Variants in PCDHA6 observed in about 807,000 individuals in gnomAD.
The protein encoded by PCDHA6 is protocadherin alpha-6.
Under a neutral mutation model 60.3 loss-of-function variants are expected in PCDHA6, and 55 were observed. That is an observed-to-expected ratio of 0.91 (90% CI 0.73 to 1.14). PCDHA6 has a LOEUF of 1.14. PCDHA6 is among the 50% of genes most tolerant of loss of function. The pLI is 0.00. For missense variants in PCDHA6, 1,327 were observed against 1,256.5 expected, an observed-to-expected ratio of 1.06 and a Z score of -0.85; for synonymous variants, 652 against 557.9, an observed-to-expected ratio of 1.17 and a Z score of -2.38.
At chr5:140,961,248 G>A (rs144956279) in intron 1 of PCDHA6, among the ~76,000 whole-genome samples, 129 of 152,276 alleles carry the variant, frequency 8.5e-4, no homozygotes, top group African/African-American at 1.8e-3. Flanking sequence ...GAATTTATCC[G>A]AAGCTCCAGG....
intron 1 of PCDHA6, chr5:140,927,546 A>G (rs1554204713): frequency 6.2e-7 from 1 of 1,614,146 alleles, no homozygotes; most frequent in Non-Finnish European, 8.5e-7. Flanking sequence ...GAGACGCACA[A>G]GTCACCATCA....
At chr5:140,991,629 T>C (rs1466263798) in intron 3 of PCDHA6, among the ~76,000 whole-genome samples, 5 of 152,208 alleles carry the variant, frequency 3.3e-5, no homozygotes, top group African/African-American at 1.2e-4. Context: ...ATATTTGTAA[T>C]AACAATCTGT....
intron 1 of PCDHA6, chr5:140,835,881 G>C (rs2150247324): frequency 1.2e-6 from 2 of 1,612,004 alleles, no homozygotes; most frequent in South Asian, 2.2e-5. Flanking sequence ...GCTGCGGGTG[G>C]GCGAGCGCGC....
chr5:140,895,874 C>T (rs1051774060), intron 1 of PCDHA6, among the ~76,000 whole-genome samples: 5 of 152,120 alleles, frequency 3.3e-5, no homozygotes, highest in Admixed American at 2.6e-4. Context: ...TGCAATGGCG[C>T]GATCTCGGCT....
chr5:140,959,424 G>A (rs957625236), intron 1 of PCDHA6, among the ~76,000 whole-genome samples: 1 of 152,104 alleles, frequency 6.6e-6, no homozygotes, highest in Non-Finnish European at 1.5e-5. Context: ...CTGAGAATTT[G>A]TGTATTTTTT....
chr5:140,935,957 A>G (rs1427987096), intron 1 of PCDHA6, among the ~76,000 whole-genome samples: 5 of 150,604 alleles, frequency 3.3e-5, no homozygotes, highest in African/African-American at 1.2e-4. Context: ...AAGTGGTACA[A>G]TCTTGGCTCA....
Position 140,828,672 on chromosome 5 carries a change from T to G in PCDHA6, c.581T>G (p.Leu194Arg). The G allele has an allele frequency of 1.2e-6, 2 of 1,614,182 alleles. No homozygotes were observed. Among genetic ancestry groups the G allele is most frequent in the South Asian group, 2.2e-5 (2 of 91,086 alleles). Residue 194 changes from leucine to arginine, a missense_variant, in exon 1 of 4, where the codon CTC becomes CGC. By Grantham distance (102) the Leu-to-Arg change is moderately radical. Transcript: ENST00000529310. ...AGTGATGACAATAAACAAATTGGGC[T>G]CTTATTAAAGAAATCCTTGGACAGA... is the stretch of plus-strand genomic sequence containing the variant. Reference protein sequence around the residue: ...INSDDNKQIGLLLKKSLDREE... With the variant: ...INSDDNKQIGRLLKKSLDREE...
At chr5:140,931,783 T>A (rs2087751344) in intron 1 of PCDHA6, among the ~76,000 whole-genome samples, 1 of 151,996 alleles carries the variant, frequency 6.6e-6, no homozygotes, top group African/African-American at 2.4e-5. Context: ...TTCAATTACC[T>A]ATTGATCTGA....
chr5:140,893,528 G>C (rs541953324), intron 1 of PCDHA6, among the ~76,000 whole-genome samples: 2 of 152,254 alleles, frequency 1.3e-5, no homozygotes, highest in Admixed American at 6.5e-5. Context: ...ACTCCTTTAA[G>C]TATTTCTTGT....
chr5:140,969,184 C>A (rs1381646688), intron 1 of PCDHA6: 1 of 1,613,998 alleles, frequency 6.2e-7, no homozygotes, highest in Non-Finnish European at 8.5e-7. Flanking sequence ...GTGACACTTT[C>A]ATGTTTTACA....
chr5:140,868,737 T>C (rs1479223301), intron 1 of PCDHA6: 1 of 203,404 alleles, frequency 4.9e-6, no homozygotes, highest in African/African-American at 2.3e-5. Context: ...AATCGAGAAA[T>C]ACAATGCCAT....
intron 1 of PCDHA6, chr5:140,856,523 G>A (rs1554148798): frequency 6.3e-7 from 1 of 1,598,526 alleles, no homozygotes; most frequent in Admixed American, 1.7e-5. Context: ...CGCATCTGAT[G>A]CGGATGTTGG....
chr5:140,869,190 C>G (rs536787060), intron 1 of PCDHA6: 1 of 1,613,998 alleles, frequency 6.2e-7, no homozygotes, highest in African/African-American at 1.3e-5. Context: ...TGGGGAGCGG[C>G]CAGCTCCACT....
intron 1 of PCDHA6, chr5:140,857,682 G>T (rs1554150517): frequency 2.5e-6 from 4 of 1,596,980 alleles, no homozygotes; most frequent in Middle Eastern, 1.8e-4. Context: ...CCGCCTCTGG[G>T]CAGCAACTTG....
chr5:140,973,331 TGTAAAGTGACATAGTA>T (rs782725271), intron 1 of PCDHA6, among the ~76,000 whole-genome samples: 2 of 152,218 alleles, frequency 1.3e-5, no homozygotes, highest in Non-Finnish European at 2.9e-5. Context: ...TTACACTCGT[TGTAAAGTGACATAGTA>T]GTGAATTTAT....
At chr5:140,967,102 G>A (rs1279026258) in intron 1 of PCDHA6, 1 of 1,612,978 alleles carries the variant, frequency 6.2e-7, no homozygotes, top group African/African-American at 1.3e-5. Context: ...CGCTGTGTGA[G>A]CAGCGGCCTC....
At chr5:140,859,551 A>G (rs1258931011) in intron 1 of PCDHA6, 1 of 180,640 alleles carries the variant, frequency 5.5e-6, no homozygotes, top group African/African-American at 2.4e-5. Flanking sequence ...AGTGTTACCA[A>G]ACACCAATGC....
At chr5:140,933,106 C>T (rs2088855819) in intron 1 of PCDHA6, among the ~76,000 whole-genome samples, 1 of 151,884 alleles carries the variant, frequency 6.6e-6, no homozygotes. Context: ...AAAGGTTGTT[C>T]TTAAGAAACA....
rs140058365 is a variant in PCDHA6 at position 140,928,379 on chromosome 5, G to A, written c.2395-50570G>A. 5.7e-4 allele frequency: 913 copies of A among 1,614,172 alleles called. 5 individuals are homozygous for A. The African/African-American group carries it at 0.01, about 18-fold the overall frequency. On this transcript the variant is annotated intron_variant, in intron 1 of 3. Transcript: ENST00000529310. ...ATCTCTGAAGGGCCATCAGCCTCTA[G>A]CTTGCTGGCAGTGGAATCATCCAGT...
Sources: allele counts gnomAD v4.1 joint callset (sites outside exome capture counted in the v4.1 genomes callset), GRCh38; gene constraint gnomAD v4.1.1; transcripts MANE v1.5; gene names NCBI Gene and HGNC (gene_info 2026-07-23, HGNC 2026-07-21).